EPC1: variants seen among roughly 807,000 people sequenced by gnomAD.
The protein encoded by EPC1 is enhancer of polycomb 1, also known as enhancer of polycomb homolog 1.
EPC1 carries 12 observed loss-of-function variants against 98.4 expected under a neutral mutation model. The ratio of observed to expected loss-of-function variants is 0.12; its 90% CI spans 0.08 to 0.20. The LOEUF (loss-of-function observed/expected upper bound fraction) is 0.20, where lower values mean the gene tolerates loss of function less well. Among genes scored for constraint, EPC1 ranks in the 10% least tolerant of loss-of-function variants. EPC1 has a pLI of 1.00. For missense variants in EPC1, 729 were observed against 990.5 expected, an observed-to-expected ratio of 0.74 and a Z score of 3.54; for synonymous variants, 357 against 363.9, an observed-to-expected ratio of 0.98 and a Z score of 0.21.
At chr10:32,373,489 G>A (rs1839807103) in intron 1 of EPC1, among the ~76,000 whole-genome samples, 1 of 152,134 alleles carries the variant, frequency 6.6e-6, no homozygotes, top group Non-Finnish European at 1.5e-5. Flanking sequence ...TTCAGCAGAT[G>A]TTCACCCTTC....
chr10:32,351,888 G>A (rs1424905228), upstream of EPC1, among the ~76,000 whole-genome samples: 1 of 149,778 alleles, frequency 6.7e-6, no homozygotes, highest in Non-Finnish European at 1.5e-5. Flanking sequence ...GCGCCATCAC[G>A]CCCGGCTAAT....
At chr10:32,353,848 T>G (rs1839194765) in intron 1 of EPC1, among the ~76,000 whole-genome samples, 1 of 152,222 alleles carries the variant, frequency 6.6e-6, no homozygotes. Context: ...TTCTCTTAAC[T>G]TCCTGCTTTT....
At chr10:32,364,496 A>G (rs1008633012) in intron 1 of EPC1, among the ~76,000 whole-genome samples, 1 of 152,178 alleles carries the variant, frequency 6.6e-6, no homozygotes, top group Non-Finnish European at 1.5e-5. Context: ...AAAGAATGTA[A>G]GTTTCAATCC....
At chr10:32,286,649 T>TA (rs1564525107) in intron 9 of EPC1, 45 bp downstream of exon 9, 1 of 1,606,450 alleles carries the variant, frequency 6.2e-7, no homozygotes, top group Non-Finnish European at 8.5e-7. Context: ...TCAATCACCC[T>TA]AATGCCTAAA....
intron 2 of EPC1, among the ~76,000 whole-genome samples, chr10:32,304,308 C>T (rs1835746917): frequency 6.6e-6 from 1 of 152,068 alleles, no homozygotes; most frequent in Admixed American, 6.6e-5. Flanking sequence ...CTTGCTTTAA[C>T]CTAAAAGCAT....
intron 1 of EPC1, among the ~76,000 whole-genome samples, chr10:32,360,199 G>A (rs372477566): frequency 1.1e-4 from 17 of 149,648 alleles, no homozygotes; most frequent in African/African-American, 4.2e-4. Flanking sequence ...ATATTTAGTA[G>A]GTTTGTATCA....
intron 1 of EPC1, chr10:32,378,443 G>A (rs745561276): frequency 4.1e-6 from 6 of 1,478,780 alleles, no homozygotes; most frequent in South Asian, 3.8e-5. Context: ...CTTTTTAGCC[G>A]GTGGCTCTTT....
At chr10:32,349,793 C>A (rs1204194880), upstream of EPC1, among the ~76,000 whole-genome samples, 1 of 152,166 alleles carries the variant, frequency 6.6e-6, no homozygotes, top group South Asian at 2.1e-4. Context: ...AAAGACAGGG[C>A]CTCCCTCTGT....
At chr10:32,307,214 A>G (rs1835926635) in intron 1 of EPC1, among the ~76,000 whole-genome samples, 1 of 152,196 alleles carries the variant, frequency 6.6e-6, no homozygotes, top group Non-Finnish European at 1.5e-5. Flanking sequence ...TTGAAAGGGA[A>G]AAAACTCTGG....
intron 5 of EPC1, chr10:32,292,130 T>C (rs1451799245): frequency 6.5e-6 from 1 of 153,946 alleles, no homozygotes; most frequent in Non-Finnish European, 1.4e-5. Flanking sequence ...GTAAGATATA[T>C]GGGCCTTTCT....
At chr10:32,373,306 A>G (rs989710358) in intron 1 of EPC1, among the ~76,000 whole-genome samples, 2 of 152,238 alleles carry the variant, frequency 1.3e-5, no homozygotes, top group East Asian at 1.9e-4. Flanking sequence ...AGGCTGGAAC[A>G]TAGTAAGCTC....
At chr10:32,277,194 T>C (rs1429071367) in intron 10 of EPC1, among the ~76,000 whole-genome samples, 2 of 152,140 alleles carry the variant, frequency 1.3e-5, no homozygotes, top group African/African-American at 4.8e-5. Context: ...CCCACACACA[T>C]AGAGCACCTG....
chr10:32,303,877 A>C (rs1436286606), intron 2 of EPC1, among the ~76,000 whole-genome samples: 2 of 152,266 alleles, frequency 1.3e-5, no homozygotes, highest in Non-Finnish European at 2.9e-5. Context: ...TTGTACATGA[A>C]GTTAATACTG....
At chr10:32,284,429 G>A (rs1209851829) in intron 10 of EPC1, 2 of 303,520 alleles carry the variant, frequency 6.6e-6, no homozygotes. Flanking sequence ...TAAATCTTGT[G>A]GTTCACGGAC....
intron 2 of EPC1, 26 bp from the exon 3 acceptor site, chr10:32,293,763 A>G (rs371684055): frequency 6.3e-7 from 1 of 1,586,592 alleles, no homozygotes; most frequent in African/African-American, 1.3e-5. Context: ...ATATGCAATC[A>G]TTTACTGTGT....
rs187594088 is a variant in EPC1 at position 32,275,631 on chromosome 10, C to T, written c.1745-2350G>A. Among the ~76,000 whole-genome samples, 1,016 of 151,842 alleles carry T rather than the reference C, an allele frequency of 6.7e-3. 15 individuals carry two copies. Among genetic ancestry groups the T allele is most frequent in the African/African-American group, 0.022 (894 of 41,400 alleles). On this transcript the variant is annotated intron_variant, in intron 10 of 13. Transcript: ENST00000319778. ...AAAAAAAAACAAAAAAAAAATTAGC[C>T]GGGCGTGGTGGCACGTGCCTGTAGT...
intron 1 of EPC1, among the ~76,000 whole-genome samples, chr10:32,365,610 C>T (rs570523753): frequency 6.6e-6 from 1 of 151,742 alleles, no homozygotes; most frequent in Admixed American, 6.6e-5. Context: ...GTCAGGAGTT[C>T]CAGACCAGCC....
chr10:32,313,871 G>A (rs939218546), intron 1 of EPC1, among the ~76,000 whole-genome samples: 13 of 151,964 alleles, frequency 8.6e-5, no homozygotes, highest in Non-Finnish European at 1.6e-4. Flanking sequence ...GGGCGACACA[G>A]CGAGACTCTG....
intron 1 of EPC1, among the ~76,000 whole-genome samples, chr10:32,330,691 G>T (rs942359333): frequency 6.6e-6 from 1 of 152,198 alleles, no homozygotes; most frequent in African/African-American, 2.4e-5. Flanking sequence ...ATTTAAGGTA[G>T]TTAGGCCCCC....
Sources: gnomAD v4.1 joint callset for allele counts (sites outside exome capture counted in the v4.1 genomes callset) on GRCh38, gnomAD v4.1.1 for gene constraint, MANE v1.5 for transcripts, NCBI Gene and HGNC (gene_info 2026-07-23, HGNC 2026-07-21) for gene names.